The following LCE6A variants were observed in gnomAD, a reference collection of about 807,000 sequenced individuals.
The protein encoded by LCE6A is late cornified envelope protein 6A.
For missense variants in LCE6A, 105 were observed against 95.3 expected, an observed-to-expected ratio of 1.10 and a Z score of -0.42; for synonymous variants, 38 against 35.2, an observed-to-expected ratio of 1.08 and a Z score of -0.28.
chr1:152,843,766 C>G lies in LCE6A; in HGVS notation c.*3C>G, dbSNP rs1462507999. ...AGGAAGAGTGTGAAGGCGACTGAGC[C>G]CAGAAGAGTTGAGGCACAGGTGCAG... On this transcript the variant is annotated 3_prime_UTR_variant, in exon 2 of 2. Transcript: ENST00000431011. The G allele has an allele frequency of 1.9e-6, 3 of 1,544,212 alleles. No homozygotes were observed. In the African/African-American group the frequency reaches 4.1e-5, roughly 21 times the overall value.
In LCE6A at chr1:152,843,775, T is replaced by C; in HGVS notation, c.*12T>C. 1 of 1,538,534 alleles carries C rather than the reference T, an allele frequency of 6.5e-7. No individual in the cohort carries two copies. The highest frequency in any genetic ancestry group is 8.8e-7 in the Non-Finnish European group (1 of 1,139,616). ...GTGAAGGCGACTGAGCCCAGAAGAG[T>C]TGAGGCACAGGTGCAGTTACTCTCT... On this transcript the variant is annotated 3_prime_UTR_variant, in exon 2 of 2. Transcript: ENST00000431011.
At position 152,843,858 on chromosome 1, in the gene LCE6A, A is replaced by C; in HGVS notation, c.*95A>C. The C allele has an allele frequency of 1.9e-5, 27 of 1,393,494 alleles. No individual in the cohort carries two copies. Among genetic ancestry groups the C allele is most frequent in the African/African-American group, 4.3e-5 (3 of 68,972 alleles). The allele number at this position is 1,393,494 out of a possible 1,614,324, so 86.3% of individuals were successfully genotyped here. ...TGGAAAGCCAGGCCCTCAACCTCTC[A>C]TTTGGACTGAGAAACACTTCCTGAT... is the stretch of plus-strand genomic sequence containing the variant. On this transcript the variant is annotated 3_prime_UTR_variant, in exon 2 of 2. Transcript: ENST00000431011.
Position 152,843,579 on chromosome 1 carries a change from C to T in LCE6A, c.59C>T (p.Pro20Leu), listed in dbSNP as rs1164327782. Reference protein sequence around the residue: ...KPPNVPKCSPPQRSNPCLAPY... With the variant: ...KPPNVPKCSPLQRSNPCLAPY... ...CCAAATGTTCCCAAATGCTCCCCTC[C>T]CCAAAGATCAAACCCCTGCCTAGCT... Residue 20 changes from proline to leucine, a missense_variant, in exon 2 of 2, where the codon CCC becomes CTC. Transcript: ENST00000431011. 1.9e-6 allele frequency: 3 copies of T among 1,551,136 alleles called. No individual in the cohort carries two copies. The highest frequency in any genetic ancestry group is 2.4e-5 in the South Asian group (2 of 83,960).
rs985583278 is a variant in LCE6A at position 152,843,901 on chromosome 1, C to T, written c.*138C>T. On this transcript the variant is annotated 3_prime_UTR_variant, in exon 2 of 2. Transcript: ENST00000431011. ...TTCCTGATCCCCAGCTCTAGAGAAG[C>T]GAGAACTAGGCTGAGCCACGCTGCT... 2.2e-5 allele frequency: 24 copies of T among 1,080,774 alleles called. No individual in the cohort carries two copies. In the South Asian group the frequency reaches 2.2e-4, roughly 10 times the overall value. The allele number at this position is 1,080,774 out of a possible 1,614,324, so 66.9% of individuals were successfully genotyped here.
chr1:152,843,787 T>A lies in LCE6A; in HGVS notation c.*24T>A, dbSNP rs1366789384. 6.5e-7 allele frequency: 1 copy of A among 1,529,844 alleles called. No homozygotes were observed. Among genetic ancestry groups the A allele is most frequent in the South Asian group, 1.2e-5 (1 of 80,812 alleles). The allele number at this position is 1,529,844 out of a possible 1,614,324, so 94.8% of individuals were successfully genotyped here. ...GAGCCCAGAAGAGTTGAGGCACAGG[T>A]GCAGTTACTCTCTCCCTGCCCCACC... On this transcript the variant is annotated 3_prime_UTR_variant, in exon 2 of 2. Coordinates refer to ENST00000431011, the MANE Select transcript of LCE6A (RefSeq NM_001128600.2).
chr1:152,843,171 A>C (rs940127115), intron 1 of LCE6A, among the ~76,000 whole-genome samples, 160 bp downstream of exon 1: 3 of 152,180 alleles, frequency 2.0e-5, no homozygotes, highest in Non-Finnish European at 2.9e-5. Flanking sequence ...AATAAGACAG[A>C]GTAAAGAAAG....
rs961397932 is a variant in LCE6A, at chr1:152,843,555, C to T, written c.35C>T (p.Pro12Leu). The part of the protein sequence containing the change: ...SQQKQQSWKP[P>L]NVPKCSPPQR... ...CAGAAGCAGCAATCTTGGAAGCCTC[C>T]AAATGTTCCCAAATGCTCCCCTCCC... Residue 12 changes from proline to leucine, a missense_variant, in exon 2 of 2, where the codon CCA (proline) becomes CTA (leucine). Coordinates refer to ENST00000431011, the MANE Select transcript of LCE6A (RefSeq NM_001128600.2). 6 of 1,549,494 alleles carry T rather than the reference C, an allele frequency of 3.9e-6. No individual in the cohort carries two copies. The highest frequency in any genetic ancestry group is 2.4e-5 in the South Asian group (2 of 83,640).
rs915395050 is a variant in LCE6A at position 152,843,587 on chromosome 1, T to A, written c.67T>A (p.Ser23Thr). Residue 23 changes from serine to threonine, a missense_variant, in exon 2 of 2, where the codon TCA (serine) becomes ACA (threonine). Coordinates refer to ENST00000431011, the MANE Select transcript of LCE6A (RefSeq NM_001128600.2). Reference sequence around the variant, plus strand: ...TCCCAAATGCTCCCCTCCCCAAAGATCAAACCCCTGCCTAGCTCCCTACTC... The same window carrying A: ...TCCCAAATGCTCCCCTCCCCAAAGAACAAACCCCTGCCTAGCTCCCTACTC... ...NVPKCSPPQRSNPCLAPYSTP... is the reference protein window; with the variant it reads ...NVPKCSPPQRTNPCLAPYSTP... 8 of 1,551,228 alleles carry A rather than the reference T, an allele frequency of 5.2e-6. No homozygotes were observed. The highest frequency in any genetic ancestry group is 7.0e-6 in the Non-Finnish European group (8 of 1,146,774).
At position 152,843,590 on chromosome 1, in the gene LCE6A, A is replaced by C; in HGVS notation, c.70A>C (p.Asn24His). 1 of 1,551,406 alleles carries C rather than the reference A, an allele frequency of 6.4e-7. No homozygotes were observed. The highest frequency in any genetic ancestry group is 1.2e-5 in the South Asian group (1 of 84,020). Residue 24 changes from asparagine to histidine, a missense_variant, in exon 2 of 2, where the codon AAC becomes CAC. Physicochemically the swap from Asn to His is moderately conservative, Grantham distance 68 (BLOSUM62 1). Transcript: ENST00000431011. ...VPKCSPPQRS[N>H]PCLAPYSTPC... ...CAAATGCTCCCCTCCCCAAAGATCA[A>C]ACCCCTGCCTAGCTCCCTACTCGAC...
In LCE6A at chr1:152,843,710, C is replaced by T; in HGVS notation, c.190C>T (p.Leu64=). ...PRRARQKLRC[L]SRGTTYHCKE... is the part of the protein sequence containing the mutation. ...GAGGGCTCGTCAAAAGCTGCGCTGC[C>T]TAAGTAGGGGCACAACCTACCACTG... The change falls in exon 2 of 2, where the codon CTA becomes TTA. Residue 64 remains leucine, a synonymous_variant. Coordinates refer to ENST00000431011, the MANE Select transcript of LCE6A (RefSeq NM_001128600.2). 1 of 1,551,412 alleles carries T rather than the reference C, an allele frequency of 6.4e-7. No homozygotes were observed. Among genetic ancestry groups the T allele is most frequent in the South Asian group, 1.2e-5 (1 of 84,046 alleles).
rs780651031 is a variant in LCE6A, at chr1:152,843,527, C to G, written c.7C>G (p.Gln3Glu). Reference sequence around the variant, plus strand: ...TCGACCTGGTAGCCAAGCAATGTCACAGCAGAAGCAGCAATCTTGGAAGCC... The same window carrying G: ...TCGACCTGGTAGCCAAGCAATGTCAGAGCAGAAGCAGCAATCTTGGAAGCC... MS[Q>E]QKQQSWKPPN... The change falls in exon 2 of 2, where the codon CAG becomes GAG. Residue 3 changes from glutamine (Q) to glutamate (E), a missense_variant. Gln to Glu is a conservative substitution (Grantham distance 29, BLOSUM62 2). Coordinates refer to ENST00000431011, the MANE Select transcript of LCE6A (RefSeq NM_001128600.2). 4.0e-5 allele frequency: 61 copies of G among 1,534,708 alleles called. No individual in the cohort carries two copies. The African/African-American group carries it at 6.4e-4, about 16-fold the overall frequency.
chr1:152,843,659 C>G lies in LCE6A; in HGVS notation c.139C>G (p.Gln47Glu). Residue 47 changes from glutamine (Q) to glutamate (E), a missense_variant, in exon 2 of 2, where the codon CAA (glutamine) becomes GAA (glutamate). By Grantham distance (29) the Gln-to-Glu change is conservative. Coordinates refer to ENST00000431011, the MANE Select transcript of LCE6A (RefSeq NM_001128600.2). ...PHSEGCHSSS[Q>E]RPEVQKPRRA... ...TTCAGAAGGTTGTCATTCCAGTTCC[C>G]AAAGGCCTGAGGTTCAGAAGCCTAG... The G allele has an allele frequency of 6.4e-7, 1 of 1,551,508 alleles. No individual in the cohort carries two copies.
Position 152,843,491 on chromosome 1 carries a change from T to G in LCE6A, c.-21-9T>G. ...GCCTGGGTCCCTGATATAACTATTTTTCTTCCAGATTCGACCTGGTAGCCA... is the reference window on the plus strand; with the variant it reads ...GCCTGGGTCCCTGATATAACTATTTGTCTTCCAGATTCGACCTGGTAGCCA... On this transcript the variant is annotated splice_polypyrimidine_tract_variant and intron_variant, in intron 1 of 1. Coordinates refer to ENST00000431011, the MANE Select transcript of LCE6A (RefSeq NM_001128600.2). The G allele has an allele frequency of 1.3e-6, 2 of 1,490,412 alleles. No individual in the cohort carries two copies. The highest frequency in any genetic ancestry group is 1.8e-6 in the Non-Finnish European group (2 of 1,117,364). The allele number at this position is 1,490,412 out of a possible 1,614,324, so 92.3% of individuals were successfully genotyped here. A position where few individuals can be genotyped will look rare whatever the true frequency, so the allele number is the denominator to read the frequency against.
At position 152,843,949 on chromosome 1, in the gene LCE6A, T is replaced by A; in HGVS notation, c.*186T>A. On this transcript the variant is annotated 3_prime_UTR_variant, in exon 2 of 2. Transcript: ENST00000431011. ...GCTACTGCTCTCTTCCATTCACCCC[T>A]TCAGCTCAGCAACAATAAAGCTGCT... 1.7e-6 allele frequency: 1 copy of A among 585,690 alleles called. No individual in the cohort carries two copies. The highest frequency in any genetic ancestry group is 2.9e-6 in the Non-Finnish European group (1 of 346,462). The allele number at this position is 585,690 out of a possible 1,614,324, so 36.3% of individuals were successfully genotyped here. A position where few individuals can be genotyped will look rare whatever the true frequency, so the allele number is the denominator to read the frequency against.
At chr1:152,843,424 G>A in intron 1 of LCE6A, 76 bp from the exon 2 acceptor site, 1 of 1,318,940 alleles carries the variant, frequency 7.6e-7, no homozygotes, top group Non-Finnish European at 1.0e-6. Context: ...CTTCATTTTT[G>A]ACAGCTCCAG....
In LCE6A at chr1:152,843,893, T is replaced by C; in HGVS notation, c.*130T>C. ...AGAAACACTTCCTGATCCCCAGCTC[T>C]AGAGAAGCGAGAACTAGGCTGAGCC... On this transcript the variant is annotated 3_prime_UTR_variant, in exon 2 of 2. Coordinates refer to ENST00000431011, the MANE Select transcript of LCE6A (RefSeq NM_001128600.2). 1.7e-6 allele frequency: 2 copies of C among 1,163,460 alleles called. No individual in the cohort carries two copies. The highest frequency in any genetic ancestry group is 2.6e-5 in the East Asian group (1 of 38,312). The allele number at this position is 1,163,460 out of a possible 1,614,324, so 72.1% of individuals were successfully genotyped here.
Position 152,843,698 on chromosome 1 carries a change from A to T in LCE6A, c.178A>T (p.Lys60Ter). 6.4e-7 allele frequency: 1 copy of T among 1,551,434 alleles called. No individual in the cohort carries two copies. Among genetic ancestry groups the T allele is most frequent in the Non-Finnish European group, 8.7e-7 (1 of 1,146,840 alleles). Residue 60 changes from lysine to a stop codon, truncating the protein, a stop_gained, in exon 2 of 2, where the codon AAG becomes TAG. Transcript: ENST00000431011. LOFTEE classifies it high-confidence loss of function. ...TCAGAAGCCTAGGAGGGCTCGTCAA[A>T]AGCTGCGCTGCCTAAGTAGGGGCAC... ...EVQKPRRARQ[K>*]LRCLSRGTTY...
chr1:152,843,839 G>A lies in LCE6A; in HGVS notation c.*76G>A. Reference sequence around the variant, plus strand: ...TTGGGTACTAATTCCCCCTTGGAAAGCCAGGCCCTCAACCTCTCATTTGGA... The same window carrying A: ...TTGGGTACTAATTCCCCCTTGGAAAACCAGGCCCTCAACCTCTCATTTGGA... On this transcript the variant is annotated 3_prime_UTR_variant, in exon 2 of 2. Transcript: ENST00000431011. 1 of 1,456,124 alleles carries A rather than the reference G, an allele frequency of 6.9e-7. No homozygotes were observed. Among genetic ancestry groups the A allele is most frequent in the Non-Finnish European group, 9.1e-7 (1 of 1,097,600 alleles). The allele number at this position is 1,456,124 out of a possible 1,614,324, so 90.2% of individuals were successfully genotyped here. A position where few individuals can be genotyped will look rare whatever the true frequency, so the allele number is the denominator to read the frequency against.
In LCE6A at chr1:152,843,873, C is replaced by T; in HGVS notation, c.*110C>T. Reference sequence around the variant, plus strand: ...TCAACCTCTCATTTGGACTGAGAAACACTTCCTGATCCCCAGCTCTAGAGA... The same window carrying T: ...TCAACCTCTCATTTGGACTGAGAAATACTTCCTGATCCCCAGCTCTAGAGA... On this transcript the variant is annotated 3_prime_UTR_variant, in exon 2 of 2. Transcript: ENST00000431011. 7.7e-7 allele frequency: 1 copy of T among 1,299,574 alleles called. No individual in the cohort carries two copies. Among genetic ancestry groups the T allele is most frequent in the South Asian group, 1.7e-5 (1 of 60,572 alleles). The allele number at this position is 1,299,574 out of a possible 1,614,324, so 80.5% of individuals were successfully genotyped here. A position where few individuals can be genotyped will look rare whatever the true frequency, so the allele number is the denominator to read the frequency against.
Sources: allele counts gnomAD v4.1 joint callset (sites outside exome capture counted in the v4.1 genomes callset), GRCh38; gene constraint gnomAD v4.1.1; transcripts MANE v1.5; gene names NCBI Gene and HGNC (gene_info 2026-07-23, HGNC 2026-07-21).